The following CEP126 variants were observed in gnomAD, a reference collection of about 807,000 sequenced individuals.
CEP126 encodes the protein centrosomal protein of 126 kDa.
A neutral mutation model predicts 107.8 loss-of-function variants in CEP126; 74 were observed. The ratio of observed to expected loss-of-function variants is 0.69; its 90% CI spans 0.57 to 0.83. The LOEUF (loss-of-function observed/expected upper bound fraction) is 0.83. Ranked by LOEUF, CEP126 falls within the 40% of genes least tolerant of loss-of-function variation. CEP126 has a pLI of 0.00. For missense variants in CEP126, 1,237 were observed against 1,281.9 expected, an observed-to-expected ratio of 0.96 and a Z score of 0.53; for synonymous variants, 449 against 446.0, an observed-to-expected ratio of 1.01 and a Z score of -0.08.
At chr11:101,947,087 C>T (rs1012106600) in intron 3 of CEP126, among the ~76,000 whole-genome samples, 1 of 152,062 alleles carries the variant, frequency 6.6e-6, no homozygotes, top group Non-Finnish European at 1.5e-5. Context: ...TGAACTAACC[C>T]TTACATAATA....
At chr11:101,941,769 A>C (rs2137094117) in intron 2 of CEP126, among the ~76,000 whole-genome samples, 1 of 152,254 alleles carries the variant, frequency 6.6e-6, no homozygotes, top group Admixed American at 6.5e-5. Context: ...AATGCATAAG[A>C]GTTCCAGTTT....
Position 101,961,807 on chromosome 11 carries a change from G to A in CEP126, c.772G>A (p.Ala258Thr), listed in dbSNP as rs1940974209. Residue 258 changes from alanine (A) to threonine (T), a missense_variant, in exon 6 of 11, where the codon GCT becomes ACT. Physicochemically the swap from Ala to Thr is moderately conservative, Grantham distance 58 (BLOSUM62 0). Around this residue, in one of 3 missense-constraint regions of CEP126, gnomAD observed 1,134 missense variants for 1,150.5 expected, o/e 0.99. Coordinates refer to ENST00000263468, the MANE Select transcript of CEP126 (RefSeq NM_020802.4). ...ETLSSIDSLE[A>T]TEHEEIYLTL... is the part of the protein sequence containing the mutation. ...CCTCTCAAGTATAGACAGTCTTGAGGCTACAGAGCATGAAGAAATATATTT... is the reference window on the plus strand; with the variant it reads ...CCTCTCAAGTATAGACAGTCTTGAGACTACAGAGCATGAAGAAATATATTT... The A allele has an allele frequency of 6.2e-7, 1 of 1,607,764 alleles. No homozygotes were observed. Among genetic ancestry groups the A allele is most frequent in the Non-Finnish European group, 8.5e-7 (1 of 1,177,438 alleles).
intron 6 of CEP126, among the ~76,000 whole-genome samples, chr11:101,972,310 C>T (rs948340275): frequency 1.3e-5 from 2 of 151,810 alleles, no homozygotes; most frequent in African/African-American, 4.8e-5. Context: ...CCTGTAGTCC[C>T]AGCTACTCGA....
intron 10 of CEP126, among the ~76,000 whole-genome samples, chr11:101,993,095 G>A (rs1565371742): frequency 6.6e-6 from 1 of 152,150 alleles, no homozygotes; most frequent in Non-Finnish European, 1.5e-5. Flanking sequence ...ACATGTGCAG[G>A]TTTGTTAAAT....
Position 101,962,778 on chromosome 11 carries a change from A to T in CEP126, c.1743A>T (p.Lys581Asn), listed in dbSNP as rs752672070. 2 of 1,604,338 alleles carry T rather than the reference A, an allele frequency of 1.2e-6. No individual in the cohort carries two copies. Among genetic ancestry groups the T allele is most frequent in the South Asian group, 2.3e-5 (2 of 88,110 alleles). Reference protein sequence around the residue: ...GVRFLKSILKKESKYEHGYLK... With the variant: ...GVRFLKSILKNESKYEHGYLK... ...GATTTCTTAAAAGTATTTTAAAGAA[A>T]GAATCTAAATATGAACATGGTTATC... The change falls in exon 6 of 11, where the codon AAA (lysine) becomes AAT (asparagine). Residue 581 changes from lysine (K) to asparagine (N), a missense_variant. Coordinates refer to ENST00000263468, the MANE Select transcript of CEP126 (RefSeq NM_020802.4).
intron 8 of CEP126, 75 bp from the exon 9 acceptor site, chr11:101,986,757 T>A: frequency 1.0e-6 from 1 of 995,730 alleles, no homozygotes; most frequent in African/African-American, 1.6e-5. Context: ...CATGTATAAG[T>A]ATATGTAAGT....
chr11:101,970,570 G>A (rs1941114461), intron 6 of CEP126, among the ~76,000 whole-genome samples: 1 of 151,402 alleles, frequency 6.6e-6, no homozygotes, highest in Non-Finnish European at 1.5e-5. Context: ...TAAGCCAAAT[G>A]ATGTTGACAC....
intron 6 of CEP126, among the ~76,000 whole-genome samples, chr11:101,967,024 T>A (rs1399783636): frequency 1.5e-5 from 2 of 133,046 alleles, no homozygotes; most frequent in African/African-American, 5.4e-5. Context: ...TCTCTTTCTT[T>A]CTTTTTTTTT....
chr11:101,977,021 A>G (rs1296658532), intron 6 of CEP126, among the ~76,000 whole-genome samples: 1 of 152,216 alleles, frequency 6.6e-6, no homozygotes, highest in East Asian at 1.9e-4. Context: ...CTGTACTAAT[A>G]TATACATTAA....
intron 2 of CEP126, among the ~76,000 whole-genome samples, chr11:101,928,564 G>C (rs980606293): frequency 1.3e-5 from 2 of 152,130 alleles, no homozygotes; most frequent in African/African-American, 4.8e-5. Context: ...GTGTACCAAA[G>C]TTTGGAGGTT....
intron 10 of CEP126, 57 bp downstream of exon 10, chr11:101,992,899 A>G (rs1401266120): frequency 2.8e-6 from 4 of 1,404,162 alleles, no homozygotes; most frequent in Non-Finnish European, 3.7e-6. Context: ...GATTTTATGT[A>G]CACATCAATA....
rs77838426 is a variant in CEP126, at chr11:101,945,709, C to T, written c.394+1299C>T. Among the ~76,000 whole-genome samples the T allele has an allele frequency of 2.5e-3, 376 of 152,128 alleles. 1 individual carries two copies. Among genetic ancestry groups the T allele is most frequent in the African/African-American group, 8.4e-3 (349 of 41,492 alleles). On this transcript the variant is annotated intron_variant, in intron 3 of 10. Transcript: ENST00000263468. ...AAGTCTTTAGTAACACAGTTTATACCCTCACTGTCATGGTCATATGGTAGC... is the reference window on the plus strand; with the variant it reads ...AAGTCTTTAGTAACACAGTTTATACTCTCACTGTCATGGTCATATGGTAGC...
intron 6 of CEP126, among the ~76,000 whole-genome samples, chr11:101,974,149 C>A (rs1941165524): frequency 7.4e-6 from 1 of 135,016 alleles, no homozygotes; most frequent in Non-Finnish European, 1.7e-5. Flanking sequence ...AACACACACA[C>A]ACACACAAAG....
intron 10 of CEP126, among the ~76,000 whole-genome samples, chr11:101,994,537 G>A (rs1274902): frequency 1.3e-5 from 2 of 151,834 alleles, no homozygotes; most frequent in Admixed American, 1.3e-4. Flanking sequence ...TTGAGTTGAT[G>A]TTTTTGTGTA....
chr11:101,995,687 C>G (rs1214507822), intron 10 of CEP126, among the ~76,000 whole-genome samples: 1 of 152,174 alleles, frequency 6.6e-6, no homozygotes. Context: ...CTGACAAATT[C>G]TTCTTTTGCT....
intron 2 of CEP126, among the ~76,000 whole-genome samples, chr11:101,935,895 G>A (rs1173374586): frequency 6.6e-6 from 1 of 152,006 alleles, no homozygotes; most frequent in African/African-American, 2.4e-5. Flanking sequence ...AATGTCTCTA[G>A]ACATTGTCAA....
intron 6 of CEP126, among the ~76,000 whole-genome samples, chr11:101,970,308 C>T (rs752799424): frequency 4.6e-5 from 7 of 152,044 alleles, no homozygotes; most frequent in Non-Finnish European, 1.0e-4. Context: ...GTGGGTATAC[C>T]TCACACCATA....
At chr11:101,973,488 G>A (rs1386983077) in intron 6 of CEP126, among the ~76,000 whole-genome samples, 3 of 152,100 alleles carry the variant, frequency 2.0e-5, no homozygotes, top group Non-Finnish European at 2.9e-5. Context: ...GACACAGGGA[G>A]GGGAATAACA....
At chr11:101,964,707 T>C (rs1941039485) in intron 6 of CEP126, among the ~76,000 whole-genome samples, 1 of 151,978 alleles carries the variant, frequency 6.6e-6, no homozygotes, top group Non-Finnish European at 1.5e-5. Context: ...ACCCAACCAG[T>C]GCTCAACTGA....
Sources: gnomAD v4.1 joint callset for allele counts (sites outside exome capture counted in the v4.1 genomes callset) on GRCh38, gnomAD v4.1.1 for gene constraint, gnomAD v4.1.1 regional missense constraint, MANE v1.5 for transcripts, NCBI Gene and HGNC (gene_info 2026-07-23, HGNC 2026-07-21) for gene names.